Variants in MCM7 observed in about 807,000 individuals in gnomAD.
MCM7 encodes the protein DNA replication licensing factor MCM7.
Under a neutral mutation model 83.5 loss-of-function variants are expected in MCM7, and 95 were observed. The ratio of observed to expected loss-of-function variants is 1.14; its 90% CI spans 0.96 to 1.35. The LOEUF (loss-of-function observed/expected upper bound fraction) is 1.35. Ranked by LOEUF, MCM7 falls within the 40% of genes most tolerant of loss-of-function variation. MCM7 has a pLI of 0.00. For synonymous variants in MCM7, 461 were observed against 352.7 expected (o/e 1.31, Z -3.44); for missense variants, 1,087 against 957.4 (o/e 1.14, Z -1.79).
intron 1 of MCM7, chr7:100,100,392 G>A (rs4319008): frequency 0.043 from 46,140 of 1,070,844 alleles, 1,006 homozygotes; most frequent in Middle Eastern, 0.053. Context: ...CCGGTCTCAA[G>A]GTTCTCAGCT....
rs146963193 is a variant in MCM7 at position 100,093,369 on chromosome 7, T to C, written c.1881A>G (p.Lys627=). ...ARLRMVDVVE[K]EDVNEAIRLM... is the part of the protein sequence containing the mutation. Reference sequence around the variant, plus strand: ...GCCTGATGGCTTCATTCACATCTTCTTTCTCCACCACATCCACCATTCTCA... The same window carrying C: ...GCCTGATGGCTTCATTCACATCTTCCTTCTCCACCACATCCACCATTCTCA... The change falls in exon 14 of 15, where the codon AAA becomes AAG. Residue 627 remains lysine, a synonymous_variant. Coordinates refer to ENST00000303887, the MANE Select transcript of MCM7 (RefSeq NM_005916.5). 2.8e-5 allele frequency: 46 copies of C among 1,614,144 alleles called. 1 individual carries two copies. In the East Asian group the frequency reaches 1.0e-3, roughly 36 times the overall value.
In MCM7 at chr7:100,093,036, A is replaced by G. The variant is rs1417581505; in HGVS notation, c.2056T>C (p.Ser686Pro). Residue 686 changes from serine (S) to proline (P), a missense_variant, in exon 15 of 15, where the codon TCT becomes CCT. Ser to Pro is a moderately conservative substitution (Grantham distance 74). Coordinates refer to ENST00000303887, the MANE Select transcript of MCM7 (RefSeq NM_005916.5). ...AACTGGGCGGGTGTGAAGCCACGAG[A>G]TACACAGCGCTGCTCTGCCTCAGAG... ...RFSEAEQRCV[S>P]RGFTPAQFQA... is the part of the protein sequence containing the mutation. The G allele has an allele frequency of 1.2e-6, 2 of 1,614,192 alleles. No individual in the cohort carries two copies. The highest frequency in any genetic ancestry group is 4.5e-5 in the East Asian group (2 of 44,884).
intron 6 of MCM7, 115 bp from the exon 7 acceptor site, chr7:100,098,405 C>G (rs1219641537): frequency 1.2e-5 from 18 of 1,494,346 alleles, no homozygotes; most frequent in Non-Finnish European, 1.6e-5. Flanking sequence ...AAGCCCACAG[C>G]AGGGGTGCTG....
At chr7:100,094,382 GGGAA>G (rs1178497347) in intron 12 of MCM7, 41 bp from the exon 13 acceptor site, 22 of 1,610,948 alleles carry the variant, frequency 1.4e-5, no homozygotes, top group Non-Finnish European at 1.9e-5. Context: ...GAGGGAGATG[GGGAA>G]GGGAGTGAAT....
chr7:100,098,277 G>A lies in MCM7; in HGVS notation c.734C>T (p.Pro245Leu), dbSNP rs765896559. Residue 245 changes from proline (P) to leucine (L), a missense_variant, in exon 7 of 15, where the codon CCT (proline) becomes CTT (leucine). Physicochemically the swap from Pro to Leu is moderately conservative, Grantham distance 98 (BLOSUM62 -3). Coordinates refer to ENST00000303887, the MANE Select transcript of MCM7 (RefSeq NM_005916.5). ...MKMQEHSDQV[P>L]VGNIPRSITV... ...GATACTACGAGGGATATTTCCCACA[G>A]GCACCTGATCACTCTAGGGGAGGGA... 2 of 1,614,136 alleles carry A rather than the reference G, an allele frequency of 1.2e-6. No individual in the cohort carries two copies. Among genetic ancestry groups the A allele is most frequent in the Non-Finnish European group, 1.7e-6 (2 of 1,180,024 alleles).
rs1795798542 is a variant in MCM7, at chr7:100,099,131, C to T, written c.474G>A (p.Gly158=). 6.2e-7 allele frequency: 1 copy of T among 1,614,018 alleles called. No homozygotes were observed. The highest frequency in any genetic ancestry group is 8.5e-7 in the Non-Finnish European group (1 of 1,179,924). ...CGATTCCACGCACAGTTACCAACTT[C>T]CCCACAGAGTCAGCCCGCACTTCCC... is the stretch of plus-strand genomic sequence containing the variant. ...VIREVRADSV[G]KLVTVRGIVT... The change falls in exon 5 of 15, where the codon GGG becomes GGA. Residue 158 remains glycine, a synonymous_variant. Transcript: ENST00000303887.
intron 12 of MCM7, 133 bp from the exon 13 acceptor site, chr7:100,094,474 A>G: frequency 1.1e-6 from 1 of 950,566 alleles, no homozygotes; most frequent in Non-Finnish European, 1.6e-6. Context: ...GGAAAACACA[A>G]ATTAGTGGGT....
In MCM7 at chr7:100,095,850, G is replaced by A. The variant is rs1050672889; in HGVS notation, c.1519C>T (p.Leu507=). 6.2e-7 allele frequency: 1 copy of A among 1,612,456 alleles called. No homozygotes were observed. The highest frequency in any genetic ancestry group is 1.3e-5 in the African/African-American group (1 of 74,936). Reference sequence around the variant, plus strand: ...AACCGGGAGAGCAGTGCAGCAGGTAGCTGTATGTTCTGCTCCAGGCTGCGG... The same window carrying A: ...AACCGGGAGAGCAGTGCAGCAGGTAACTGTATGTTCTGCTCCAGGCTGCGG... ...PRRSLEQNIQ[L]PAALLSRFDL... is the part of the protein sequence containing the mutation. Residue 507 remains leucine (L), a synonymous_variant, in exon 11 of 15, where the codon CTA becomes TTA. Coordinates refer to ENST00000303887, the MANE Select transcript of MCM7 (RefSeq NM_005916.5).
At chr7:100,097,501 T>C in intron 9 of MCM7, 113 bp downstream of exon 9, 1 of 1,577,390 alleles carries the variant, frequency 6.3e-7, no homozygotes, top group Non-Finnish European at 8.7e-7. Flanking sequence ...GCCCTCCCTG[T>C]GTCCACGAAG....
chr7:100,098,369 G>A, intron 6 of MCM7, 79 bp from the exon 7 acceptor site: 1 of 1,549,696 alleles, frequency 6.5e-7, no homozygotes, highest in South Asian at 1.2e-5. Context: ...CCCACTCAAA[G>A]GCTCCCAGGC....
rs1795802882 is a variant in MCM7, at chr7:100,099,194, A to G, written c.411T>C (p.Tyr137=). 3.1e-6 allele frequency: 5 copies of G among 1,614,022 alleles called. No individual in the cohort carries two copies. The African/African-American group carries it at 4.0e-5, about 13-fold the overall frequency. ...PAELMRRFEL[Y]FQGPSSNKPR... ...GCTTGTTGCTGCTAGGGCCTTGAAA[A>G]TACAGCTCACTAAGGGGAGAAAACA... Residue 137 remains tyrosine, a synonymous_variant, in exon 5 of 15, where the codon TAT becomes TAC. Transcript: ENST00000303887.
At position 100,097,618 on chromosome 7, in the gene MCM7, G is replaced by A. The variant is rs1012832214; in HGVS notation, c.1113C>T (p.Ile371=). The change falls in exon 9 of 15, where the codon ATC becomes ATT. Residue 371 remains isoleucine, a synonymous_variant. Transcript: ENST00000303887. ...CTCTCCCTTGTTTCTTCTTACCCCG[G>A]ATTTTCATGCCTCGAGGAGACTGGT... ...GVDQSPRGMK[I]RGNINICLMG... The A allele has an allele frequency of 1.2e-6, 2 of 1,613,660 alleles. No individual in the cohort carries two copies. Among genetic ancestry groups the A allele is most frequent in the Non-Finnish European group, 1.7e-6 (2 of 1,180,018 alleles).
At position 100,092,966 on chromosome 7, in the gene MCM7, A is replaced by G; in HGVS notation, c.2126T>C (p.Val709Ala). The change falls in exon 15 of 15, where the codon GTC becomes GCC. Residue 709 changes from valine (V) to alanine (A), a missense_variant. By Grantham distance (64) the Val-to-Ala change is moderately conservative. Transcript: ENST00000303887. ...AGTGATCCGTGTCCGGGAAGCATTG[A>G]CCTGCCAGACATTGAGCTCCTCATA... ...DEYEELNVWQ[V>A]NASRTRITFV 1 of 1,614,176 alleles carries G rather than the reference A, an allele frequency of 6.2e-7. No individual in the cohort carries two copies. Among genetic ancestry groups the G allele is most frequent in the Non-Finnish European group, 8.5e-7 (1 of 1,180,024 alleles).
chr7:100,095,797 C>A lies in MCM7; in HGVS notation c.1572G>T (p.Arg524=), dbSNP rs754489321. The change falls in exon 11 of 15, where the codon CGG becomes CGT. Residue 524 remains arginine (R), a synonymous_variant. Coordinates refer to ENST00000303887, the MANE Select transcript of MCM7 (RefSeq NM_005916.5). ...ACCGTAGGTCATTGTCTCGGTCGGG[C>A]CGGTCCTGAATCAGCCAGAGGAGGT... is the stretch of plus-strand genomic sequence containing the variant. The part of the protein sequence containing the change: ...RFDLLWLIQD[R]PDRDNDLRLA... 1.3e-6 allele frequency: 2 copies of A among 1,591,884 alleles called. No homozygotes were observed. Among genetic ancestry groups the A allele is most frequent in the Non-Finnish European group, 1.7e-6 (2 of 1,169,530 alleles).
At chr7:100,095,491 A>C (rs1420145050) in intron 11 of MCM7, 21 bp from the exon 12 acceptor site, 1 of 1,611,230 alleles carries the variant, frequency 6.2e-7, no homozygotes. Flanking sequence ...GGAAGGTTAG[A>C]AGGAACACCC....
chr7:100,096,989 T>C (rs1336773109), intron 10 of MCM7, among the ~76,000 whole-genome samples: 1 of 152,100 alleles, frequency 6.6e-6, no homozygotes, highest in Non-Finnish European at 1.5e-5. Context: ...TAGTCCCAGC[T>C]ACTCGGGAGG....
intron 13 of MCM7, 120 bp downstream of exon 13, chr7:100,094,053 T>C (rs1679433368): frequency 1.6e-6 from 2 of 1,270,104 alleles, no homozygotes; most frequent in Non-Finnish European, 2.3e-6. Flanking sequence ...ATCTGCACTG[T>C]CAGCACTTTA....
Position 100,098,299 on chromosome 7 carries a change from G to C in MCM7, c.721-9C>G, listed in dbSNP as rs1358922610. The C allele has an allele frequency of 5.0e-6, 8 of 1,612,930 alleles. No individual in the cohort carries two copies. The Admixed American group carries it at 1.3e-4, about 27-fold the overall frequency. The stretch of plus-strand genomic sequence containing the variant: ...ACAGGCACCTGATCACTCTAGGGGA[G>C]GGAAAGGCACATAAGACTAGGAGAA... On this transcript the variant is annotated splice_polypyrimidine_tract_variant and intron_variant, in intron 6 of 14. Coordinates refer to ENST00000303887, the MANE Select transcript of MCM7 (RefSeq NM_005916.5).
chr7:100,098,872 A>C, intron 5 of MCM7, 151 bp downstream of exon 5: 1 of 1,327,348 alleles, frequency 7.5e-7, no homozygotes. Context: ...CCCAGAAAAT[A>C]GGTAGAAAGA....
Sources: allele counts gnomAD v4.1 joint callset (sites outside exome capture counted in the v4.1 genomes callset), GRCh38; gene constraint gnomAD v4.1.1; transcripts MANE v1.5; gene names NCBI Gene and HGNC (gene_info 2026-07-23, HGNC 2026-07-21).